GRID2: variants seen among roughly 807,000 people sequenced by gnomAD.
GRID2 encodes glutamate ionotropic receptor delta type subunit 2.
Under a neutral mutation model 114.8 loss-of-function variants are expected in GRID2, and 33 were observed. The ratio of observed to expected loss-of-function variants is 0.29; its 90% CI spans 0.22 to 0.38. GRID2 has a LOEUF of 0.38. GRID2 is among the 10% of genes least tolerant of loss of function. The pLI, the probability that GRID2 is intolerant of heterozygous loss-of-function variation, is 1.00. For missense variants in GRID2, 1,184 were observed against 1,257.7 expected (o/e 0.94, Z 0.89); for synonymous variants, 505 against 449.9 (o/e 1.12, Z -1.55).
At chr4:93,325,315 T>G (rs1757708223) in intron 8 of GRID2, among the ~76,000 whole-genome samples, 1 of 152,122 alleles carries the variant, frequency 6.6e-6, no homozygotes, top group African/African-American at 2.4e-5. Flanking sequence ...TTAAGATTTC[T>G]AATTCTGAGG....
At chr4:93,416,639 A>G (rs1163180478) in intron 9 of GRID2, among the ~76,000 whole-genome samples, 1 of 152,082 alleles carries the variant, frequency 6.6e-6, no homozygotes, top group Non-Finnish European at 1.5e-5. Context: ...TTCCAACGCC[A>G]TCACTAGCAA....
chr4:93,544,003 G>T (rs1732934266), intron 13 of GRID2, among the ~76,000 whole-genome samples: 1 of 152,016 alleles, frequency 6.6e-6, no homozygotes. Context: ...TGAATATTTG[G>T]CTCTGGATTA....
At chr4:92,654,386 T>C (rs957119657) in intron 2 of GRID2, among the ~76,000 whole-genome samples, 1 of 152,018 alleles carries the variant, frequency 6.6e-6, no homozygotes, top group Admixed American at 6.6e-5. Flanking sequence ...GCAGTCAGGA[T>C]ATCAACATGG....
intron 14 of GRID2, among the ~76,000 whole-genome samples, chr4:93,746,360 C>A (rs1417780965): frequency 6.6e-6 from 1 of 152,084 alleles, no homozygotes; most frequent in Non-Finnish European, 1.5e-5. Flanking sequence ...GAAGCCATGA[C>A]ATAAGAATGC....
Position 92,304,395 on chromosome 4 carries a change from AAACTGCAAAC to A in GRID2, c.-257_-248del. ...AGGCTGGATATATTTTTCAAAAGCC[AAACTGCAAAC>A]AACTCTGGCGATGCCAAAATTCCCC... On this transcript the variant is annotated 5_prime_UTR_variant, in exon 1 of 16. Coordinates refer to ENST00000282020, the MANE Select transcript of GRID2 (RefSeq NM_001510.4). 1.9e-6 allele frequency: 1 copy of A among 538,014 alleles called. No homozygotes were observed. The highest frequency in any genetic ancestry group is 1.9e-5 in the African/African-American group (1 of 52,330). 33.3% of individuals were successfully genotyped at this position (538,014 alleles called of 1,614,324 possible).
intron 2 of GRID2, among the ~76,000 whole-genome samples, chr4:92,751,278 A>G (rs1737443456): frequency 6.6e-6 from 1 of 152,206 alleles, no homozygotes; most frequent in Non-Finnish European, 1.5e-5. Flanking sequence ...ATATAGTTTT[A>G]AGCATTTAAA....
chr4:93,499,202 G>A (rs548379447), intron 12 of GRID2, among the ~76,000 whole-genome samples: 8 of 151,432 alleles, frequency 5.3e-5, no homozygotes, highest in Non-Finnish European at 8.8e-5. Flanking sequence ...TTATTGATTC[G>A]AGTCAATAAA....
At chr4:92,981,908 G>A (rs904936095) in intron 2 of GRID2, among the ~76,000 whole-genome samples, 2 of 151,296 alleles carry the variant, frequency 1.3e-5, no homozygotes, top group African/African-American at 2.4e-5. Flanking sequence ...TTTAAATTGT[G>A]CAATGTGGAA....
At chr4:93,150,214 A>G (rs1317382882) in intron 4 of GRID2, among the ~76,000 whole-genome samples, 1 of 152,158 alleles carries the variant, frequency 6.6e-6, no homozygotes, top group Non-Finnish European at 1.5e-5. Context: ...TAAATGTTGT[A>G]TAGTGTTTTG....
At chr4:93,451,932 TG>T (rs1722727046) in intron 10 of GRID2, among the ~76,000 whole-genome samples, 1 of 152,126 alleles carries the variant, frequency 6.6e-6, no homozygotes, top group African/African-American at 2.4e-5. Flanking sequence ...ATGTTAAATT[TG>T]AGGTATTTTT....
intron 14 of GRID2, among the ~76,000 whole-genome samples, chr4:93,704,150 A>G (rs1727779865): frequency 1.3e-5 from 2 of 152,282 alleles, no homozygotes; most frequent in East Asian, 3.9e-4. Context: ...CATCCTCTCC[A>G]GCACCTGTTG....
chr4:92,417,492 C>A (rs1465901617), intron 1 of GRID2, among the ~76,000 whole-genome samples: 4 of 151,930 alleles, frequency 2.6e-5, no homozygotes, highest in Non-Finnish European at 5.9e-5. Flanking sequence ...GCAATTACCC[C>A]CTGAGGAACT....
intron 1 of GRID2, among the ~76,000 whole-genome samples, chr4:92,372,431 A>C (rs1172326582): frequency 9.2e-5 from 14 of 152,184 alleles, no homozygotes; most frequent in Admixed American, 8.5e-4. Context: ...TCAATCAGCA[A>C]CCATTAACAT....
At chr4:93,377,746 T>C (rs1202114442) in intron 8 of GRID2, among the ~76,000 whole-genome samples, 1 of 152,160 alleles carries the variant, frequency 6.6e-6, no homozygotes, top group Admixed American at 6.6e-5. Context: ...TTCAAGAGTC[T>C]TTTCCCTCTG....
intron 12 of GRID2, among the ~76,000 whole-genome samples, chr4:93,491,029 A>G (rs1726949232): frequency 6.6e-6 from 1 of 151,964 alleles, no homozygotes; most frequent in African/African-American, 2.4e-5. Context: ...TCCTGGAAGG[A>G]TAACACATCT....
chr4:93,709,971 C>A (rs1340321796), intron 14 of GRID2, among the ~76,000 whole-genome samples: 1 of 152,046 alleles, frequency 6.6e-6, no homozygotes, highest in Admixed American at 6.6e-5. Context: ...GAATTTTTTT[C>A]TCTGTTATCT....
chr4:93,465,373 G>C (rs2149426231), intron 11 of GRID2, among the ~76,000 whole-genome samples: 1 of 152,260 alleles, frequency 6.6e-6, no homozygotes, highest in South Asian at 2.1e-4. Context: ...AAAAATGTAA[G>C]ATTCAGTAAC....
At chr4:92,883,288 A>T (rs1366658849) in intron 2 of GRID2, among the ~76,000 whole-genome samples, 1 of 152,216 alleles carries the variant, frequency 6.6e-6, no homozygotes, top group Admixed American at 6.5e-5. Flanking sequence ...ACCACAACTT[A>T]GTCACATCTT....
At chr4:92,778,589 C>A (rs148878569) in intron 2 of GRID2, among the ~76,000 whole-genome samples, 1 of 151,976 alleles carries the variant, frequency 6.6e-6, no homozygotes, top group Non-Finnish European at 1.5e-5. Flanking sequence ...ATATACTAAA[C>A]GGTATATATC....
Sources: allele counts gnomAD v4.1 joint callset (sites outside exome capture counted in the v4.1 genomes callset), GRCh38; gene constraint gnomAD v4.1.1; transcripts MANE v1.5; gene names NCBI Gene and HGNC (gene_info 2026-07-23, HGNC 2026-07-21).